Variants in CDH4 observed in about 807,000 individuals in gnomAD.
CDH4 encodes cadherin-4.
In CDH4, 33 loss-of-function variants were observed where a neutral mutation model predicts 86.0. That is an observed-to-expected ratio of 0.38 (90% CI 0.29 to 0.51). CDH4 has a LOEUF of 0.51. Ranked by LOEUF, CDH4 falls within the 20% of genes least tolerant of loss-of-function variation. The pLI is 0.86. For missense variants in CDH4, 1,114 were observed against 1,307.4 expected (o/e 0.85, Z 2.28); for synonymous variants, 555 against 549.4 (o/e 1.01, Z -0.14).
At chr20:61,479,461 T>A (rs1330291361) in intron 2 of CDH4, among the ~76,000 whole-genome samples, 1 of 152,172 alleles carries the variant, frequency 6.6e-6, no homozygotes, top group African/African-American at 2.4e-5. Flanking sequence ...GTTTGGTTTT[T>A]TGTCCTTGCG....
intron 2 of CDH4, among the ~76,000 whole-genome samples, chr20:61,432,250 A>G (rs2427096): frequency 1.3e-5 from 2 of 152,194 alleles, no homozygotes; most frequent in African/African-American, 4.8e-5. Context: ...ACATTCTCAC[A>G]AACAGTGTGT....
At chr20:61,325,948 A>C (rs1193823327) in intron 2 of CDH4, among the ~76,000 whole-genome samples, 1 of 152,108 alleles carries the variant, frequency 6.6e-6, no homozygotes, top group African/African-American at 2.4e-5. Context: ...TGCCATTCCC[A>C]GCTTCTCGCT....
chr20:61,861,421 G>A (rs1399169356), intron 6 of CDH4, among the ~76,000 whole-genome samples: 3 of 152,190 alleles, frequency 2.0e-5, no homozygotes, highest in East Asian at 1.9e-4. Context: ...TGAAGGCACC[G>A]TTCTGTAACA....
intron 2 of CDH4, among the ~76,000 whole-genome samples, chr20:61,318,326 C>A (rs2427077): frequency 0.76 from 115,213 of 152,228 alleles, 44,497 homozygotes; most frequent in East Asian, 1. Flanking sequence ...GCTCAGCTGA[C>A]CAGCAGTGAG....
At chr20:61,509,622 G>A (rs558117544) in intron 2 of CDH4, among the ~76,000 whole-genome samples, 1 of 151,998 alleles carries the variant, frequency 6.6e-6, no homozygotes, top group Admixed American at 6.6e-5. Flanking sequence ...GGCCAGAGGT[G>A]CATGCACAGC....
chr20:61,897,622 C>T (rs78411876), intron 8 of CDH4, among the ~76,000 whole-genome samples: 1,778 of 152,322 alleles, frequency 0.012, 37 homozygotes, highest in African/African-American at 0.04. Context: ...AACTGCTGAC[C>T]GGCCACACCA....
At chr20:61,787,203 C>T (rs1978930015) in intron 4 of CDH4, among the ~76,000 whole-genome samples, 1 of 152,012 alleles carries the variant, frequency 6.6e-6, no homozygotes, top group South Asian at 2.1e-4. Context: ...ATGTCAAGCA[C>T]CCTGTATCTG....
intron 2 of CDH4, among the ~76,000 whole-genome samples, chr20:61,404,605 G>A (rs2085069976): frequency 6.6e-6 from 1 of 152,062 alleles, no homozygotes; most frequent in African/African-American, 2.4e-5. Context: ...GGATTTGGGA[G>A]AAAATTGCAT....
rs1180688894 is a variant in CDH4, at chr20:61,898,037, G to A, written c.1188+2990G>A. Among the ~76,000 whole-genome samples, 10 of 152,288 alleles carry A rather than the reference G, an allele frequency of 6.6e-5. No homozygotes were observed. The East Asian group carries it at 1.9e-3, about 29-fold the overall frequency. Reference sequence around the variant, plus strand: ...CTGCGGTGGCTTTTCCAGGTGACTGGGTCGCATGGTCCTGGAGAAGGGGTG... The same window carrying A: ...CTGCGGTGGCTTTTCCAGGTGACTGAGTCGCATGGTCCTGGAGAAGGGGTG... On this transcript the variant is annotated intron_variant, in intron 8 of 15. Coordinates refer to ENST00000614565, the MANE Select transcript of CDH4 (RefSeq NM_001794.5).
At chr20:61,394,895 CT>C (rs2085008001) in intron 2 of CDH4, among the ~76,000 whole-genome samples, 1 of 139,594 alleles carries the variant, frequency 7.2e-6, no homozygotes, top group South Asian at 3.3e-4. Context: ...AACCCTGCCC[CT>C]GTCACCCCCA....
intron 2 of CDH4, among the ~76,000 whole-genome samples, chr20:61,396,466 G>C (rs575388964): frequency 6.6e-6 from 1 of 152,182 alleles, no homozygotes; most frequent in African/African-American, 2.4e-5. Flanking sequence ...CTCAAATTGC[G>C]TTCTGCGCAT....
Position 61,818,708 on chromosome 20 carries a change from G to A in CDH4, c.577-25960G>A, listed in dbSNP as rs565335846. On this transcript the variant is annotated intron_variant, in intron 4 of 15. Transcript: ENST00000614565. ...AAAAATTTAAAAAAAAAAAAAAAGC[G>A]GGAAGTTGCTCTCCGCGTCTTGTAT... Among the ~76,000 whole-genome samples the A allele has an allele frequency of 1.3e-4, 19 of 148,582 alleles. 1 individual carries two copies. The South Asian group carries it at 3.5e-3, about 27-fold the overall frequency.
At chr20:61,867,643 C>T (rs529852435) in intron 6 of CDH4, among the ~76,000 whole-genome samples, 6 of 152,170 alleles carry the variant, frequency 3.9e-5, no homozygotes, top group Non-Finnish European at 7.4e-5. Flanking sequence ...TCCTCCTCCC[C>T]CCAGGCCCCT....
At chr20:61,726,636 C>CGG (rs2088114967) in intron 2 of CDH4, among the ~76,000 whole-genome samples, 1 of 151,230 alleles carries the variant, frequency 6.6e-6, no homozygotes, top group African/African-American at 2.4e-5. Context: ...TCATCACCAT[C>CGG]AGTCCCATCA....
intron 6 of CDH4, among the ~76,000 whole-genome samples, chr20:61,861,410 G>T (rs1376805441): frequency 2.0e-5 from 3 of 152,208 alleles, no homozygotes; most frequent in Non-Finnish European, 2.9e-5. Context: ...ACATGAGGAA[G>T]TGAAGGCACC....
At position 61,278,763 on chromosome 20, in the gene CDH4, C is replaced by T. The variant is rs1336755311; in HGVS notation, c.169+23826C>T. Among the ~76,000 whole-genome samples, 4 of 152,228 alleles carry T rather than the reference C, an allele frequency of 2.6e-5. No individual in the cohort carries two copies. In the East Asian group the frequency reaches 7.7e-4, roughly 29 times the overall value. On this transcript the variant is annotated intron_variant, in intron 2 of 15. Transcript: ENST00000614565. ...CAAGGAGCTGAGACTTTGCTGGCTCCCCCTCCCCAGTCTGTGGGAGCCCAG... is the reference window on the plus strand; with the variant it reads ...CAAGGAGCTGAGACTTTGCTGGCTCTCCCTCCCCAGTCTGTGGGAGCCCAG...
chr20:61,827,346 G>C (rs1000793551), intron 4 of CDH4, among the ~76,000 whole-genome samples: 1 of 152,114 alleles, frequency 6.6e-6, no homozygotes, highest in African/African-American at 2.4e-5. Flanking sequence ...AGACCAAAAA[G>C]AAAAATCATA....
At chr20:61,714,528 C>T (rs549700353) in intron 2 of CDH4, among the ~76,000 whole-genome samples, 13 of 152,186 alleles carry the variant, frequency 8.5e-5, no homozygotes, top group African/African-American at 2.9e-4. Context: ...ACATTGTACC[C>T]AATAGGTAGT....
intron 1 of CDH4, among the ~76,000 whole-genome samples, chr20:61,253,381 G>A (rs992190375): frequency 6.6e-6 from 1 of 152,046 alleles, no homozygotes; most frequent in Non-Finnish European, 1.5e-5. Flanking sequence ...GCCCGCGGGG[G>A]CAGAGAGCGC....
Sources: allele counts gnomAD v4.1 joint callset (sites outside exome capture counted in the v4.1 genomes callset), GRCh38; gene constraint gnomAD v4.1.1; transcripts MANE v1.5; gene names NCBI Gene and HGNC (gene_info 2026-07-23, HGNC 2026-07-21).